Variants in PACS1 observed in about 807,000 individuals in gnomAD.
The protein encoded by PACS1 is phosphofurin acidic cluster sorting protein 1, also known as PACS-1.
Under a neutral mutation model 115.0 loss-of-function variants are expected in PACS1, and 24 were observed. The ratio of observed to expected loss-of-function variants is 0.21; its 90% confidence interval spans 0.15 to 0.29. The LOEUF is 0.29. Ranked by LOEUF, PACS1 falls within the 10% of genes least tolerant of loss-of-function variation. The probability of loss-of-function intolerance (pLI) is 1.00; values close to 1 mark genes in which losing one functional copy is unlikely to be tolerated. For synonymous variants in PACS1, 453 were observed against 504.5 expected (o/e 0.90, Z 1.37); for missense variants, 838 against 1,251.2 (o/e 0.67, Z 4.98).
chr11:66,184,631 T>A (rs1302864580), intron 1 of PACS1, among the ~76,000 whole-genome samples: 2 of 152,232 alleles, frequency 1.3e-5, no homozygotes, highest in Non-Finnish European at 2.9e-5. Flanking sequence ...GAGAATTTGC[T>A]TGTGCTCAAA....
At chr11:66,129,372 C>A (rs145341779) in intron 1 of PACS1, among the ~76,000 whole-genome samples, 1 of 149,908 alleles carries the variant, frequency 6.7e-6, no homozygotes, top group Non-Finnish European at 1.5e-5. Context: ...GTGGAGGTGG[C>A]AGTGAGCTGA....
intron 11 of PACS1, among the ~76,000 whole-genome samples, chr11:66,228,409 T>G (rs1565155535): frequency 6.6e-6 from 1 of 152,218 alleles, no homozygotes; most frequent in Non-Finnish European, 1.5e-5. Flanking sequence ...TCTTATGTAT[T>G]TAGGCTTGAT....
In PACS1 at chr11:66,202,741, AAATATATATATATATATATAT is replaced by A. The variant is rs1193512689; in HGVS notation, c.445-7619_445-7599del. On this transcript the variant is annotated intron_variant, in intron 2 of 23. Coordinates refer to ENST00000320580, the MANE Select transcript of PACS1 (RefSeq NM_018026.4). ...TCATCTCTAGGAAAAAAAAAAAAAA[AAATATATATATATATATATAT>A]ATATATATATATATATATATTCTGA... 2.3e-4 allele frequency among the ~76,000 whole-genome samples: 22 copies of A among 93,878 alleles called. 4 individuals are homozygous for A. Among genetic ancestry groups the A allele is most frequent in the African/African-American group, 9.1e-4 (19 of 20,920 alleles). 61.6% of individuals were successfully genotyped at this position (93,878 alleles called of 152,430 possible). A position where few individuals can be genotyped will look rare whatever the true frequency, so the allele number is the denominator to read the frequency against.
chr11:66,175,265 G>A (rs948077675), intron 1 of PACS1, among the ~76,000 whole-genome samples: 2 of 152,126 alleles, frequency 1.3e-5, no homozygotes, highest in East Asian at 1.9e-4. Context: ...CAGTCTGGGT[G>A]CTTCTGTCTT....
At chr11:66,238,531 C>T (rs931381996) in intron 19 of PACS1, 2 of 362,282 alleles carry the variant, frequency 5.5e-6, no homozygotes, top group South Asian at 4.9e-5. Flanking sequence ...GATGGAGTCT[C>T]GCTCTGTCGC....
chr11:66,193,421 A>G (rs546938212), intron 1 of PACS1, 65 bp from the exon 2 acceptor site: 40 of 1,132,234 alleles, frequency 3.5e-5, no homozygotes, highest in East Asian at 2.4e-4. Context: ...TGCCTAACCA[A>G]TTGTTCATCA....
At chr11:66,114,296 T>C (rs896211892) in intron 1 of PACS1, among the ~76,000 whole-genome samples, 22 of 151,750 alleles carry the variant, frequency 1.4e-4, no homozygotes, top group African/African-American at 5.1e-4. Context: ...CGGACGCCTA[T>C]AGTCACAGCT....
chr11:66,151,468 G>A (rs564251116), intron 1 of PACS1, among the ~76,000 whole-genome samples: 1 of 152,196 alleles, frequency 6.6e-6, no homozygotes, highest in South Asian at 2.1e-4. Context: ...CTGGCTGTCT[G>A]CCAGATTACA....
intron 1 of PACS1, among the ~76,000 whole-genome samples, chr11:66,115,775 A>C (rs1166994753): frequency 6.6e-6 from 1 of 152,000 alleles, no homozygotes; most frequent in Non-Finnish European, 1.5e-5. Flanking sequence ...TATTAACCTC[A>C]CCTTCCCTCC....
intron 1 of PACS1, among the ~76,000 whole-genome samples, chr11:66,112,501 A>G (rs1218052836): frequency 6.6e-6 from 1 of 151,972 alleles, no homozygotes; most frequent in Non-Finnish European, 1.5e-5. Context: ...CTTTCTTAAT[A>G]TTTTACTTTA....
At chr11:66,142,069 G>A (rs1031320145) in intron 1 of PACS1, among the ~76,000 whole-genome samples, 5 of 151,950 alleles carry the variant, frequency 3.3e-5, no homozygotes, top group Admixed American at 6.6e-5. Flanking sequence ...CTTAGCCTCC[G>A]AAAGTGCTGG....
At position 66,236,382 on chromosome 11, in the gene PACS1, G is replaced by A. The variant is rs956934041; in HGVS notation, c.2250+442G>A. On this transcript the variant is annotated intron_variant, in intron 19 of 23. Transcript: ENST00000320580. This position sits in a 1 kb window ranked among gnomAD's most constrained non-coding sequence, Gnocchi z 4.2. ...GAGTGATGTCCAGACGTGGCTCACG[G>A]GAAAGGGAGCTGCTTTGGTAGTAGT... is the stretch of plus-strand genomic sequence containing the variant. Among the ~76,000 whole-genome samples, 8 of 152,244 alleles carry A rather than the reference G, an allele frequency of 5.3e-5. No homozygotes were observed. Among genetic ancestry groups the A allele is most frequent in the Non-Finnish European group, 1.2e-4 (8 of 68,042 alleles).
chr11:66,070,978 A>G lies in PACS1; in HGVS notation c.356+136A>G, dbSNP rs945364206. The G allele has an allele frequency of 2.1e-6, 2 of 947,116 alleles. No homozygotes were observed. Among genetic ancestry groups the G allele is most frequent in the African/African-American group, 1.8e-5 (1 of 56,426 alleles). The allele number at this position is 947,116 out of a possible 1,614,324, so 58.7% of individuals were successfully genotyped here. A position where few individuals can be genotyped will look rare whatever the true frequency, so the allele number is the denominator to read the frequency against. ...CCCGCGGCCCGGCCTGGCTCCAGCC[A>G]GGCCTCCCGGGACTCCTGCCACGGG... On this transcript the variant is annotated intron_variant, in intron 1 of 23. Transcript: ENST00000320580. This position sits in a 1 kb window ranked among gnomAD's most constrained non-coding sequence, Gnocchi z 5.9.
intron 1 of PACS1, among the ~76,000 whole-genome samples, chr11:66,084,389 G>C (rs192090301): frequency 3.7e-4 from 57 of 152,288 alleles, no homozygotes; most frequent in Non-Finnish European, 2.8e-4. Context: ...TGATCTCACA[G>C]GCCATTGTGG....
chr11:66,231,506 G>A (rs1316590033), intron 13 of PACS1, among the ~76,000 whole-genome samples: 1 of 152,168 alleles, frequency 6.6e-6, no homozygotes, highest in African/African-American at 2.4e-5. Context: ...TCTGGGACAG[G>A]GATTTTCCCG....
intron 1 of PACS1, among the ~76,000 whole-genome samples, chr11:66,136,342 CA>C (rs1565120303): frequency 2.6e-5 from 4 of 151,728 alleles, no homozygotes; most frequent in Non-Finnish European, 5.9e-5. Flanking sequence ...CACACACACA[CA>C]CACACACACA....
intron 22 of PACS1, 113 bp downstream of exon 22, chr11:66,241,766 T>C: frequency 1.2e-6 from 1 of 819,238 alleles, no homozygotes; most frequent in South Asian, 1.7e-5. Context: ...AAGCATCCCA[T>C]GGTCTGGCAT....
intron 1 of PACS1, among the ~76,000 whole-genome samples, chr11:66,123,313 T>C (rs1033457724): frequency 2.6e-5 from 4 of 151,020 alleles, no homozygotes; most frequent in Admixed American, 1.3e-4. Flanking sequence ...TGTCTCAGCC[T>C]CCCAAGTAGC....
chr11:66,089,803 G>A (rs573775032), intron 1 of PACS1, among the ~76,000 whole-genome samples: 440 of 151,962 alleles, frequency 2.9e-3, no homozygotes, highest in African/African-American at 0.01. Context: ...TCAGGAGATC[G>A]AGACCATCCT....
Sources: allele counts gnomAD v4.1 joint callset (sites outside exome capture counted in the v4.1 genomes callset), GRCh38; gene constraint gnomAD v4.1.1; non-coding constraint Gnocchi (gnomAD v3.1); transcripts MANE v1.5; gene names NCBI Gene and HGNC (gene_info 2026-07-23, HGNC 2026-07-21).